Variants in GRIP1 observed in about 807,000 individuals in gnomAD.
The protein encoded by GRIP1 is glutamate receptor interacting protein 1, also known as glutamate receptor-interacting protein 1.
A neutral mutation model predicts 129.9 loss-of-function variants in GRIP1; 45 were observed. The observed-to-expected ratio is 0.35, with a 90% CI of 0.27 to 0.44. The LOEUF is 0.44. GRIP1 is among the 20% of genes least tolerant of loss of function. The pLI is 1.00. For missense variants in GRIP1, 1,196 were observed against 1,396.8 expected, an observed-to-expected ratio of 0.86 and a Z score of 2.29; for synonymous variants, 530 against 520.8, an observed-to-expected ratio of 1.02 and a Z score of -0.24.
chr12:67,002,219 A>G (rs1315034416), intron 1 of GRIP1, among the ~76,000 whole-genome samples: 1 of 152,244 alleles, frequency 6.6e-6, no homozygotes, highest in Admixed American at 6.5e-5. Flanking sequence ...AAAGAATTGT[A>G]GCACAACTAT....
chr12:66,462,107 C>G (rs2059153444), intron 9 of GRIP1, among the ~76,000 whole-genome samples: 2 of 152,100 alleles, frequency 1.3e-5, no homozygotes, highest in Non-Finnish European at 2.9e-5. Flanking sequence ...TCAAGGGAGT[C>G]AAAATACAGA....
chr12:66,790,601 A>G (rs1184827752), intron 1 of GRIP1, among the ~76,000 whole-genome samples: 4 of 152,222 alleles, frequency 2.6e-5, no homozygotes, highest in Non-Finnish European at 5.9e-5. Context: ...GAAAACTTAG[A>G]TAACGTAAGG....
At chr12:66,587,772 G>A (rs1431567054) in intron 2 of GRIP1, among the ~76,000 whole-genome samples, 2 of 152,154 alleles carry the variant, frequency 1.3e-5, no homozygotes, top group African/African-American at 4.8e-5. Context: ...GAAGGGCAAG[G>A]GATCAATGTG....
At chr12:66,627,823 G>T (rs991053705) in intron 1 of GRIP1, among the ~76,000 whole-genome samples, 3 of 152,112 alleles carry the variant, frequency 2.0e-5, no homozygotes, top group Admixed American at 6.6e-5. Context: ...ATCTCCTTCT[G>T]CTAGTCTTGG....
intron 7 of GRIP1, among the ~76,000 whole-genome samples, chr12:66,479,105 G>GA (rs35639519): frequency 0.84 from 126,309 of 149,492 alleles, 53,785 homozygotes; most frequent in Middle Eastern, 0.96. Context: ...AGATAAAACA[G>GA]AAAAAAAAAT....
At chr12:66,866,190 T>G (rs1233505522) in intron 1 of GRIP1, among the ~76,000 whole-genome samples, 1 of 152,138 alleles carries the variant, frequency 6.6e-6, no homozygotes, top group Non-Finnish European at 1.5e-5. Flanking sequence ...AAGGGCAGGC[T>G]GGGCACAGTG....
At chr12:66,669,623 A>G (rs1381456015) in intron 1 of GRIP1, among the ~76,000 whole-genome samples, 3 of 152,226 alleles carry the variant, frequency 2.0e-5, no homozygotes, top group Non-Finnish European at 4.4e-5. Context: ...GAATACACAG[A>G]GCAGGAGTAC....
At chr12:66,623,162 A>C (rs1466415195) in intron 1 of GRIP1, among the ~76,000 whole-genome samples, 2 of 152,182 alleles carry the variant, frequency 1.3e-5, no homozygotes, top group Non-Finnish European at 2.9e-5. Context: ...AAGTAGTTAC[A>C]AGAAATATTT....
intron 1 of GRIP1, among the ~76,000 whole-genome samples, chr12:67,022,537 T>TGTAGA (rs2042883009): frequency 6.6e-6 from 1 of 152,148 alleles, no homozygotes; most frequent in Non-Finnish European, 1.5e-5. Flanking sequence ...GCTTGTACCA[T>TGTAGA]TTTACATTCC....
intron 1 of GRIP1, among the ~76,000 whole-genome samples, chr12:66,711,332 A>G (rs1190883017): frequency 6.6e-6 from 1 of 151,968 alleles, no homozygotes; most frequent in East Asian, 1.9e-4. Flanking sequence ...TAGTAAATAC[A>G]TGTCTCTGGG....
Position 66,406,317 on chromosome 12 carries a change from C to T in GRIP1, c.1950G>A (p.Val650=). Reference sequence around the variant, plus strand: ...CTTCATCTTTGCGGATTTTGAGCTTCACCAGGTCTTCACATTGCTGGAGGA... The same window carrying T: ...CTTCATCTTTGCGGATTTTGAGCTTTACCAGGTCTTCACATTGCTGGAGGA... The part of the protein sequence containing the change: ...VQILQQCEDL[V]KLKIRKDEDN... The change falls in exon 16 of 25, where the codon GTG becomes GTA. Residue 650 remains valine (V), a synonymous_variant. Coordinates refer to ENST00000359742, the MANE Select transcript of GRIP1 (RefSeq NM_001366722.1). 1.2e-6 allele frequency: 2 copies of T among 1,614,152 alleles called. No individual in the cohort carries two copies. The highest frequency in any genetic ancestry group is 2.2e-5 in the South Asian group (2 of 91,080).
At chr12:66,472,697 T>C (rs867852999) in intron 7 of GRIP1, among the ~76,000 whole-genome samples, 3 of 152,058 alleles carry the variant, frequency 2.0e-5, no homozygotes, top group Non-Finnish European at 4.4e-5. Flanking sequence ...GGGTGGGGCG[T>C]TGCCTCACCC....
chr12:66,434,713 T>C (rs1448892959), intron 13 of GRIP1, among the ~76,000 whole-genome samples: 2 of 152,214 alleles, frequency 1.3e-5, no homozygotes, highest in Non-Finnish European at 1.5e-5. Flanking sequence ...AAAAGGCTAA[T>C]TGCCACCTTC....
chr12:66,368,086 G>T (rs562068287), intron 23 of GRIP1, among the ~76,000 whole-genome samples: 1 of 152,288 alleles, frequency 6.6e-6, no homozygotes, highest in Admixed American at 6.5e-5. Flanking sequence ...ACCTTCCAAA[G>T]GTCTGGAGGA....
chr12:66,631,497 T>C (rs1159282143), intron 1 of GRIP1, among the ~76,000 whole-genome samples: 2 of 152,238 alleles, frequency 1.3e-5, no homozygotes, highest in African/African-American at 4.8e-5. Flanking sequence ...TATCTATACC[T>C]AACTGTTTCA....
intron 22 of GRIP1, among the ~76,000 whole-genome samples, chr12:66,375,838 C>CT (rs1362205580): frequency 6.6e-6 from 1 of 152,120 alleles, no homozygotes; most frequent in Non-Finnish European, 1.5e-5. Flanking sequence ...AGAAAAACAA[C>CT]TTTTTTTCTT....
At chr12:66,880,799 C>G (rs2040464794) in intron 1 of GRIP1, among the ~76,000 whole-genome samples, 1 of 152,104 alleles carries the variant, frequency 6.6e-6, no homozygotes, top group Non-Finnish European at 1.5e-5. Flanking sequence ...CCGACCTGTA[C>G]ATTTATATAG....
rs553429629 is a variant in GRIP1 at position 66,437,628 on chromosome 12, G to C, written c.1688-5000C>G. On this transcript the variant is annotated intron_variant, in intron 13 of 24. Coordinates refer to ENST00000359742, the MANE Select transcript of GRIP1 (RefSeq NM_001366722.1). ...AGGAGCTCAAATTTAAGATATTAGAGTATCCAATCAACAAATATTAAAATA... is the reference window on the plus strand; with the variant it reads ...AGGAGCTCAAATTTAAGATATTAGACTATCCAATCAACAAATATTAAAATA... Among the ~76,000 whole-genome samples the C allele has an allele frequency of 4.5e-4, 69 of 152,258 alleles. 2 individuals carry two copies. The highest frequency in any genetic ancestry group is 3.7e-3 in the Admixed American group (57 of 15,290).
chr12:66,958,994 T>G (rs953265752), intron 1 of GRIP1, among the ~76,000 whole-genome samples: 3 of 152,242 alleles, frequency 2.0e-5, no homozygotes, highest in African/African-American at 7.2e-5. Context: ...AAACTTTCTT[T>G]ATAGTTGTAA....
Sources: allele counts gnomAD v4.1 joint callset (sites outside exome capture counted in the v4.1 genomes callset), GRCh38; gene constraint gnomAD v4.1.1; transcripts MANE v1.5; gene names NCBI Gene and HGNC (gene_info 2026-07-23, HGNC 2026-07-21).